The following RMND5A variants were observed in gnomAD, a reference collection of about 807,000 sequenced individuals.
RMND5A encodes E3 ubiquitin-protein transferase RMND5A.
In RMND5A, 17 loss-of-function variants were observed where a neutral mutation model predicts 49.7. The observed-to-expected ratio is 0.34, with a 90% CI of 0.23 to 0.51. The LOEUF is 0.51. RMND5A is among the 20% of genes least tolerant of loss of function. The pLI, the probability that RMND5A is intolerant of heterozygous loss-of-function variation, is 0.96. For synonymous variants in RMND5A, 156 were observed against 167.7 expected, an observed-to-expected ratio of 0.93 and a Z score of 0.54; for missense variants, 255 against 471.3, an observed-to-expected ratio of 0.54 and a Z score of 4.25.
intron 1 of RMND5A, among the ~76,000 whole-genome samples, chr2:86,721,586 A>G (rs1681224312): frequency 1.3e-5 from 2 of 151,682 alleles, no homozygotes; most frequent in African/African-American, 2.4e-5. Flanking sequence ...AAATTTTCCT[A>G]TAGAAGGTGT....
At chr2:86,768,462 A>G (rs1206958426) in intron 6 of RMND5A, among the ~76,000 whole-genome samples, 2 of 152,196 alleles carry the variant, frequency 1.3e-5, no homozygotes, top group African/African-American at 4.8e-5. Context: ...GGAAGACTCT[A>G]AAGTGGGAAT....
chr2:86,753,565 AT>A lies in RMND5A; in HGVS notation c.521+9del. The A allele has an allele frequency of 2.0e-6, 3 of 1,479,196 alleles. No homozygotes were observed. The highest frequency in any genetic ancestry group is 2.8e-6 in the Non-Finnish European group (3 of 1,071,524). 91.6% of individuals were successfully genotyped at this position (1,479,196 alleles called of 1,614,324 possible). On this transcript the variant is annotated splice_region_variant and intron_variant, in intron 4 of 8. Transcript: ENST00000283632. ...TTCTGAGACCTGCTCTGGAGTGAGT[AT>A]TGAGTTTGCTTTCTTTTGAGTACTT...
At chr2:86,767,534 G>A (rs1172780023) in intron 6 of RMND5A, among the ~76,000 whole-genome samples, 1 of 151,480 alleles carries the variant, frequency 6.6e-6, no homozygotes, top group African/African-American at 2.4e-5. Context: ...TCCTGCCTCA[G>A]GCTCCTGAGT....
intron 3 of RMND5A, among the ~76,000 whole-genome samples, chr2:86,752,735 T>A (rs1039672344): frequency 1.3e-5 from 2 of 152,238 alleles, no homozygotes; most frequent in Non-Finnish European, 2.9e-5. Flanking sequence ...GTCTTCACAC[T>A]CCGTTCTAAG....
intron 2 of RMND5A, among the ~76,000 whole-genome samples, chr2:86,747,958 G>T (rs975606707): frequency 6.6e-6 from 1 of 152,192 alleles, no homozygotes; most frequent in African/African-American, 2.4e-5. Context: ...CCTTGGATGT[G>T]TGCTTTTTTG....
At position 86,734,612 on chromosome 2, in the gene RMND5A, G is replaced by A. The variant is rs1323804048; in HGVS notation, c.143-6315G>A. Among the ~76,000 whole-genome samples, 6 of 137,150 alleles carry A rather than the reference G, an allele frequency of 4.4e-5. No homozygotes were observed. In the East Asian group the frequency reaches 1.0e-3, roughly 24 times the overall value. 90.0% of individuals were successfully genotyped at this position (137,150 alleles called of 152,430 possible). ...TGGGATTGCAGGTGCTCACCACCACGCCCAGCTAATTTTTGTATTTTTAGG... is the reference window on the plus strand; with the variant it reads ...TGGGATTGCAGGTGCTCACCACCACACCCAGCTAATTTTTGTATTTTTAGG... On this transcript the variant is annotated intron_variant, in intron 1 of 8. Coordinates refer to ENST00000283632, the MANE Select transcript of RMND5A (RefSeq NM_022780.4).
intron 4 of RMND5A, among the ~76,000 whole-genome samples, chr2:86,759,202 A>G (rs1284964867): frequency 2.6e-5 from 4 of 152,220 alleles, no homozygotes; most frequent in Admixed American, 2.0e-4. Context: ...ACCGCTAACT[A>G]TGAAGGTGAA....
intron 4 of RMND5A, among the ~76,000 whole-genome samples, chr2:86,759,662 C>T (rs1402296777): frequency 6.8e-6 from 1 of 148,026 alleles, no homozygotes; most frequent in Admixed American, 6.8e-5. Context: ...TTGCCAGGCG[C>T]GGTGGTGAGC....
At chr2:86,720,977 T>G in intron 1 of RMND5A, 168 bp downstream of exon 1, 1 of 557,946 alleles carries the variant, frequency 1.8e-6, no homozygotes, top group Non-Finnish European at 3.0e-6. Flanking sequence ...CTTCGTCCGA[T>G]TTACCTCGAA....
intron 1 of RMND5A, among the ~76,000 whole-genome samples, chr2:86,736,435 C>T (rs1283519326): frequency 2.1e-5 from 2 of 96,532 alleles, no homozygotes; most frequent in Admixed American, 1.1e-4. Context: ...CCACCCACCT[C>T]GGGCTCCCAA....
chr2:86,757,098 C>T (rs1029151129), intron 4 of RMND5A, among the ~76,000 whole-genome samples: 13 of 148,514 alleles, frequency 8.8e-5, no homozygotes, highest in South Asian at 4.2e-4. Flanking sequence ...CGCTTGAACC[C>T]GGGAGGCGGA....
rs2104414498 is a variant in RMND5A at position 86,773,607 on chromosome 2, T to C, written c.*196T>C. The C allele has an allele frequency of 2.4e-6, 1 of 413,556 alleles. No homozygotes were observed. Among genetic ancestry groups the C allele is most frequent in the Admixed American group, 4.1e-5 (1 of 24,670 alleles). The allele number at this position is 413,556 out of a possible 1,614,324, so 25.6% of individuals were successfully genotyped here. A position where few individuals can be genotyped will look rare whatever the true frequency, so the allele number is the denominator to read the frequency against. ...TGAATATTATCATAGGGCTTTATTATATTCTTGGTCTTCATTTCTGATCAA... is the reference window on the plus strand; with the variant it reads ...TGAATATTATCATAGGGCTTTATTACATTCTTGGTCTTCATTTCTGATCAA... On this transcript the variant is annotated 3_prime_UTR_variant, in exon 9 of 9. Coordinates refer to ENST00000283632, the MANE Select transcript of RMND5A (RefSeq NM_022780.4).
At chr2:86,764,947 G>T in intron 4 of RMND5A, 80 bp from the exon 5 acceptor site, 7 of 1,395,232 alleles carry the variant, frequency 5.0e-6, no homozygotes, top group Admixed American at 2.4e-5. Flanking sequence ...CCCCTTTTTT[G>T]TTTTACTGGG....
At chr2:86,760,744 A>C (rs996744874) in intron 4 of RMND5A, among the ~76,000 whole-genome samples, 2 of 110,208 alleles carry the variant, frequency 1.8e-5, no homozygotes, top group Non-Finnish European at 1.9e-5. Context: ...GTGAAATTGA[A>C]TGTGATTAGA....
chr2:86,764,669 A>G (rs968769679), intron 4 of RMND5A, among the ~76,000 whole-genome samples: 4 of 152,234 alleles, frequency 2.6e-5, no homozygotes, highest in African/African-American at 9.6e-5. Context: ...TGTATATATT[A>G]GGCCAGTTTT....
In RMND5A at chr2:86,770,972, C is replaced by T. The variant is rs76952428; in HGVS notation, c.958-586C>T. Reference sequence around the variant, plus strand: ...TTGTTTTTTTGCCCGTTTTATACCACACCTGTACACGGGTTTATTTGCAGT... The same window carrying T: ...TTGTTTTTTTGCCCGTTTTATACCATACCTGTACACGGGTTTATTTGCAGT... On this transcript the variant is annotated intron_variant, in intron 7 of 8. Transcript: ENST00000283632. Among the ~76,000 whole-genome samples the T allele has an allele frequency of 1.6e-3, 243 of 152,334 alleles. 1 individual carries two copies. The highest frequency in any genetic ancestry group is 5.4e-3 in the African/African-American group (226 of 41,570).
intron 1 of RMND5A, among the ~76,000 whole-genome samples, chr2:86,729,241 A>G (rs1681320324): frequency 6.6e-6 from 1 of 152,204 alleles, no homozygotes; most frequent in Non-Finnish European, 1.5e-5. Flanking sequence ...AAAGGGGGAA[A>G]AAACAAGACC....
In RMND5A at chr2:86,765,873, A is replaced by T; in HGVS notation, c.703A>T (p.Met235Leu). The T allele has an allele frequency of 6.2e-7, 1 of 1,613,222 alleles. No individual in the cohort carries two copies. Among genetic ancestry groups the T allele is most frequent in the Admixed American group, 1.7e-5 (1 of 59,800 alleles). ...GCTTTTTTTAGACATTCAGGTTTTG[A>T]TGGGAAGCCTTGTGTACCTGAGACA... The part of the protein sequence containing the change: ...LNHQKDIQVL[M>L]GSLVYLRQGI... Residue 235 changes from methionine to leucine, a missense_variant, in exon 6 of 9, where the codon ATG becomes TTG. Physicochemically the swap from Met to Leu is conservative, Grantham distance 15 (BLOSUM62 2). Transcript: ENST00000283632.
At chr2:86,725,276 T>C (rs1229508155) in intron 1 of RMND5A, among the ~76,000 whole-genome samples, 1 of 148,262 alleles carries the variant, frequency 6.7e-6, no homozygotes, top group African/African-American at 2.5e-5. Flanking sequence ...TACATTCAAA[T>C]GGTATAAACT....
Sources: gnomAD v4.1 joint callset for allele counts (sites outside exome capture counted in the v4.1 genomes callset) on GRCh38, gnomAD v4.1.1 for gene constraint, MANE v1.5 for transcripts, NCBI Gene and HGNC (gene_info 2026-07-23, HGNC 2026-07-21) for gene names.